The following PDGFD variants were observed in gnomAD, a reference collection of about 807,000 sequenced individuals.
PDGFD encodes platelet-derived growth factor D.
Under a neutral mutation model 44.7 loss-of-function variants are expected in PDGFD, and 30 were observed. That is an observed-to-expected ratio of 0.67 (90% CI 0.50 to 0.91). The LOEUF (loss-of-function observed/expected upper bound fraction) is 0.91, where lower values mean the gene tolerates loss of function less well. Among genes scored for constraint, PDGFD ranks in the 40% least tolerant of loss-of-function variants. The pLI, the probability that PDGFD is intolerant of heterozygous loss-of-function variation, is 0.00. For synonymous variants in PDGFD, 173 were observed against 168.4 expected (o/e 1.03, Z -0.21); for missense variants, 445 against 457.8 (o/e 0.97, Z 0.25).
chr11:104,062,185 A>C (rs117759810), intron 1 of PDGFD, among the ~76,000 whole-genome samples: 69 of 152,348 alleles, frequency 4.5e-4, no homozygotes, highest in Non-Finnish European at 6.3e-4. Flanking sequence ...CATCTGCAAC[A>C]GTGAACATCA....
At chr11:104,077,807 G>A (rs776112695) in intron 1 of PDGFD, among the ~76,000 whole-genome samples, 38 of 151,930 alleles carry the variant, frequency 2.5e-4, no homozygotes, top group Non-Finnish European at 5.1e-4. Context: ...ATCTATTATA[G>A]GTAAATATTC....
At chr11:103,940,978 T>C (rs1430812537) in intron 5 of PDGFD, among the ~76,000 whole-genome samples, 1 of 152,104 alleles carries the variant, frequency 6.6e-6, no homozygotes, top group Non-Finnish European at 1.5e-5. Context: ...CTATAAACTT[T>C]AGAAATAGGC....
intron 3 of PDGFD, among the ~76,000 whole-genome samples, chr11:103,980,082 T>C (rs1859245550): frequency 6.6e-6 from 1 of 152,146 alleles, no homozygotes; most frequent in Admixed American, 6.6e-5. Flanking sequence ...TATGGCTAAA[T>C]GAAATAATTT....
intron 5 of PDGFD, among the ~76,000 whole-genome samples, chr11:103,936,238 A>C (rs1424621212): frequency 6.6e-6 from 1 of 152,228 alleles, no homozygotes; most frequent in East Asian, 1.9e-4. Context: ...AGATATCTGA[A>C]GACTGACTGA....
intron 1 of PDGFD, among the ~76,000 whole-genome samples, chr11:104,003,930 G>T (rs1252654172): frequency 3.9e-5 from 6 of 152,168 alleles, no homozygotes; most frequent in African/African-American, 1.4e-4. Context: ...AAGTCAGGCT[G>T]CCCAGAAAAG....
chr11:104,034,091 T>C (rs17101842), intron 1 of PDGFD, among the ~76,000 whole-genome samples: 2,557 of 152,316 alleles, frequency 0.017, 96 homozygotes, highest in East Asian at 0.15. Context: ...CTCCTTGTCA[T>C]CTTTCTAAAC....
chr11:103,938,873 G>A (rs1428160955), intron 5 of PDGFD, among the ~76,000 whole-genome samples: 7 of 152,110 alleles, frequency 4.6e-5, no homozygotes, highest in Middle Eastern at 3.4e-3. Flanking sequence ...GTAGATATGC[G>A]GCATTATTTC....
chr11:104,030,432 T>C (rs1860106906), intron 1 of PDGFD, among the ~76,000 whole-genome samples: 1 of 152,120 alleles, frequency 6.6e-6, no homozygotes, highest in African/African-American at 2.4e-5. Flanking sequence ...CTAAAGCAGA[T>C]GAAGGTGAAT....
At chr11:104,105,094 T>C (rs541010083) in intron 1 of PDGFD, among the ~76,000 whole-genome samples, 1 of 152,282 alleles carries the variant, frequency 6.6e-6, no homozygotes, top group Admixed American at 6.5e-5. Flanking sequence ...AGTAACCCCA[T>C]TAATGGGGGA....
chr11:103,971,604 A>T (rs1427974116), intron 3 of PDGFD, among the ~76,000 whole-genome samples: 1 of 152,226 alleles, frequency 6.6e-6, no homozygotes, highest in African/African-American at 2.4e-5. Flanking sequence ...TATTTAGTCT[A>T]TGTGGTATAT....
At chr11:103,988,374 G>A (rs891296584) in intron 3 of PDGFD, among the ~76,000 whole-genome samples, 27 of 151,668 alleles carry the variant, frequency 1.8e-4, no homozygotes, top group African/African-American at 6.1e-4. Flanking sequence ...TCATTACACA[G>A]CATCCCTCTC....
intron 1 of PDGFD, among the ~76,000 whole-genome samples, chr11:104,087,252 GT>G (rs1276503962): frequency 2.3e-4 from 34 of 148,318 alleles, no homozygotes; most frequent in African/African-American, 8.0e-4. Context: ...CTGAAGTGCA[GT>G]GGTGCAATCT....
At chr11:103,929,311 TTA>T (rs1858365127) in intron 5 of PDGFD, among the ~76,000 whole-genome samples, 2 of 152,280 alleles carry the variant, frequency 1.3e-5, no homozygotes, top group South Asian at 4.1e-4. Context: ...AAGACCAGTG[TTA>T]TGAGGGCTGT....
chr11:104,107,212 T>C (rs548405087), intron 1 of PDGFD, among the ~76,000 whole-genome samples: 3 of 152,198 alleles, frequency 2.0e-5, no homozygotes, highest in Non-Finnish European at 4.4e-5. Context: ...CCGAATCACA[T>C]GTGCCCTTTA....
At chr11:104,037,391 A>T (rs1305519550) in intron 1 of PDGFD, 1 of 1,613,960 alleles carries the variant, frequency 6.2e-7, no homozygotes, top group Non-Finnish European at 8.5e-7. Context: ...CAAAGGGAAA[A>T]GGCCTTGAGA....
intron 3 of PDGFD, among the ~76,000 whole-genome samples, chr11:103,965,966 C>T (rs952634538): frequency 3.9e-5 from 6 of 152,108 alleles, no homozygotes; most frequent in East Asian, 1.9e-4. Flanking sequence ...AGCAAGTTGA[C>T]GGCACTGGGG....
At chr11:104,097,823 C>T (rs1477889790) in intron 1 of PDGFD, among the ~76,000 whole-genome samples, 2 of 152,166 alleles carry the variant, frequency 1.3e-5, no homozygotes, top group Non-Finnish European at 2.9e-5. Flanking sequence ...CATGTCCTGT[C>T]AGTCTGAATC....
intron 1 of PDGFD, among the ~76,000 whole-genome samples, chr11:104,142,864 C>T (rs1862105150): frequency 6.6e-6 from 1 of 152,102 alleles, no homozygotes; most frequent in African/African-American, 2.4e-5. Flanking sequence ...AGTGCATGTC[C>T]GCGAAGGTTT....
intron 1 of PDGFD, among the ~76,000 whole-genome samples, chr11:104,040,871 C>T (rs1449168784): frequency 6.6e-6 from 1 of 151,876 alleles, no homozygotes; most frequent in Non-Finnish European, 1.5e-5. Context: ...TATGTTTTAT[C>T]ATTTCTTAGT....
Sources: allele counts gnomAD v4.1 joint callset (sites outside exome capture counted in the v4.1 genomes callset), GRCh38; gene constraint gnomAD v4.1.1; transcripts MANE v1.5; gene names NCBI Gene and HGNC (gene_info 2026-07-23, HGNC 2026-07-21).